TMEM267: variants seen among roughly 807,000 people sequenced by gnomAD.
TMEM267 encodes the protein transmembrane protein C5orf28.
In TMEM267, 20 loss-of-function variants were observed where a neutral mutation model predicts 19.3. That is an observed-to-expected ratio of 1.04 (90% CI 0.73 to 1.51). The LOEUF (loss-of-function observed/expected upper bound fraction) is 1.51. Among genes scored for constraint, TMEM267 ranks in the 40% most tolerant of loss-of-function variants. TMEM267 has a pLI of 0.00. For missense variants in TMEM267, 242 were observed against 261.9 expected (o/e 0.92, Z 0.52); for synonymous variants, 88 against 90.3 (o/e 0.97, Z 0.15).
At position 43,445,684 on chromosome 5, in the gene TMEM267, C is replaced by G. The variant is rs1238278372; in HGVS notation, c.*538G>C. On this transcript the variant is annotated 3_prime_UTR_variant, in exon 3 of 3. Transcript: ENST00000397080. ...TAATCATAACTCATAAAGCATTCTG[C>G]AAATTAAATTTCACTCAGGATCAAC... is the stretch of plus-strand genomic sequence containing the variant. 6.6e-6 allele frequency: 1 copy of G among 152,106 alleles called. No individual in the cohort carries two copies. The highest frequency in any genetic ancestry group is 1.5e-5 in the Non-Finnish European group (1 of 68,028). 9.4% of individuals were successfully genotyped at this position (152,106 alleles called of 1,614,324 possible).
chr5:43,482,117 A>T (rs768521196), intron 1 of TMEM267, among the ~76,000 whole-genome samples: 9 of 152,226 alleles, frequency 5.9e-5, no homozygotes, highest in Non-Finnish European at 1.3e-4. Flanking sequence ...TGCTGGGATT[A>T]CGGGCGTGAG....
chr5:43,473,105 T>A (rs920409938), intron 1 of TMEM267, among the ~76,000 whole-genome samples: 2 of 124,036 alleles, frequency 1.6e-5, no homozygotes, highest in African/African-American at 6.5e-5. Context: ...GCCACTGCAC[T>A]CCAGCCTGGA....
intron 1 of TMEM267, among the ~76,000 whole-genome samples, chr5:43,479,258 A>ATT (rs1744613451): frequency 1.3e-5 from 2 of 151,982 alleles, no homozygotes; most frequent in African/African-American, 4.8e-5. Flanking sequence ...TTTGTTAAAA[A>ATT]ATATATACAG....
chr5:43,472,914 C>T (rs528477793), intron 1 of TMEM267, among the ~76,000 whole-genome samples: 145 of 151,844 alleles, frequency 9.5e-4, no homozygotes, highest in Non-Finnish European at 1.5e-3. Flanking sequence ...CCGAAGTGGG[C>T]GGATCACAAG....
chr5:43,460,803 T>C (rs1315982503), intron 1 of TMEM267, among the ~76,000 whole-genome samples: 2 of 152,246 alleles, frequency 1.3e-5, no homozygotes, highest in South Asian at 2.1e-4. Context: ...GAAATGCCCA[T>C]TCCATTGGTC....
rs1379360462 is a variant in TMEM267 at position 43,444,797 on chromosome 5, C to T, written c.*1425G>A. On this transcript the variant is annotated 3_prime_UTR_variant, in exon 3 of 3. Transcript: ENST00000397080. Reference sequence around the variant, plus strand: ...TACCATTATACCAACCAAACTTATACAATAATTACTCTTGAAAAATAAGTA... The same window carrying T: ...TACCATTATACCAACCAAACTTATATAATAATTACTCTTGAAAAATAAGTA... 6.6e-6 allele frequency: 1 copy of T among 151,756 alleles called. No homozygotes were observed. Among genetic ancestry groups the T allele is most frequent in the Non-Finnish European group, 1.5e-5 (1 of 67,966 alleles). The allele number at this position is 151,756 out of a possible 1,614,324, so 9.4% of individuals were successfully genotyped here.
chr5:43,461,642 G>A (rs1306292393), intron 1 of TMEM267, among the ~76,000 whole-genome samples: 1 of 152,182 alleles, frequency 6.6e-6, no homozygotes, highest in Non-Finnish European at 1.5e-5. Context: ...CATTAGCAGT[G>A]TTCTGGCAGT....
chr5:43,447,343 G>T (rs968788472), intron 2 of TMEM267, among the ~76,000 whole-genome samples: 1 of 152,026 alleles, frequency 6.6e-6, no homozygotes, highest in Non-Finnish European at 1.5e-5. Context: ...ACCCACCTTG[G>T]CCTCCCAAGG....
chr5:43,467,173 GAAGAA>G (rs1044084202), intron 1 of TMEM267, among the ~76,000 whole-genome samples: 3 of 147,808 alleles, frequency 2.0e-5, no homozygotes, highest in African/African-American at 7.5e-5. Flanking sequence ...AAAAAAGAAG[GAAGAA>G]AAGACCATAA....
chr5:43,474,080 G>T (rs1299344940), intron 1 of TMEM267, among the ~76,000 whole-genome samples: 1 of 152,108 alleles, frequency 6.6e-6, no homozygotes, highest in Non-Finnish European at 1.5e-5. Flanking sequence ...AGCTGAAACT[G>T]GATCCCTTCC....
At chr5:43,460,926 G>C (rs546644820) in intron 1 of TMEM267, among the ~76,000 whole-genome samples, 1 of 152,334 alleles carries the variant, frequency 6.6e-6, no homozygotes, top group African/African-American at 2.4e-5. Flanking sequence ...GTGAGTCCTA[G>C]AGCTGAACTA....
intron 1 of TMEM267, among the ~76,000 whole-genome samples, chr5:43,467,836 A>G (rs538015652): frequency 6.6e-6 from 1 of 152,240 alleles, no homozygotes; most frequent in African/African-American, 2.4e-5. Context: ...CTTGGGAAAG[A>G]CTTATCAGAA....
intron 2 of TMEM267, among the ~76,000 whole-genome samples, chr5:43,452,103 A>G (rs992216787): frequency 2.6e-5 from 4 of 151,556 alleles, no homozygotes; most frequent in Admixed American, 1.3e-4. Context: ...AAAGAAAGAA[A>G]AAAGAAAAGA....
At chr5:43,470,339 C>T (rs893255893) in intron 1 of TMEM267, among the ~76,000 whole-genome samples, 2 of 152,182 alleles carry the variant, frequency 1.3e-5, no homozygotes, top group East Asian at 1.9e-4. Context: ...GATGAGGTTT[C>T]ACCATGTTGG....
chr5:43,465,319 G>A (rs1031309677), intron 1 of TMEM267, among the ~76,000 whole-genome samples: 11 of 152,208 alleles, frequency 7.2e-5, no homozygotes, highest in African/African-American at 2.7e-4. Context: ...AGGTGCTGGA[G>A]AGGATGTGGA....
intron 1 of TMEM267, among the ~76,000 whole-genome samples, chr5:43,463,716 T>A (rs1743426538): frequency 1.3e-5 from 2 of 152,130 alleles, no homozygotes; most frequent in Non-Finnish European, 2.9e-5. Context: ...CATGATTATC[T>A]CAACAGATGC....
At chr5:43,470,691 G>A (rs1744013478) in intron 1 of TMEM267, among the ~76,000 whole-genome samples, 1 of 152,176 alleles carries the variant, frequency 6.6e-6, no homozygotes. Context: ...AGATAAGGAT[G>A]ATGCCCATTG....
At chr5:43,475,226 C>A (rs903440241) in intron 1 of TMEM267, among the ~76,000 whole-genome samples, 1 of 152,160 alleles carries the variant, frequency 6.6e-6, no homozygotes, top group African/African-American at 2.4e-5. Context: ...TTTGCAGGGA[C>A]ATGGATGAAG....
chr5:43,454,196 C>T (rs970439314), intron 1 of TMEM267, among the ~76,000 whole-genome samples, 153 bp from the exon 2 acceptor site: 1 of 147,056 alleles, frequency 6.8e-6, no homozygotes, highest in African/African-American at 2.6e-5. Flanking sequence ...TCACATAGCC[C>T]AAGGAGAATA....
Sources: gnomAD v4.1 joint callset for allele counts (sites outside exome capture counted in the v4.1 genomes callset) on GRCh38, gnomAD v4.1.1 for gene constraint, MANE v1.5 for transcripts, NCBI Gene and HGNC (gene_info 2026-07-23, HGNC 2026-07-21) for gene names.